The following ZFYVE1 variants were observed in gnomAD, a reference collection of about 807,000 sequenced individuals.
The protein encoded by ZFYVE1 is zinc finger FYVE domain-containing protein 1.
A neutral mutation model predicts 74.4 loss-of-function variants in ZFYVE1; 30 were observed. The ratio of observed to expected loss-of-function variants is 0.40; its 90% CI spans 0.30 to 0.55. The LOEUF (loss-of-function observed/expected upper bound fraction) is 0.55. Among genes scored for constraint, ZFYVE1 ranks in the 20% least tolerant of loss-of-function variants. ZFYVE1 has a pLI of 0.42. For synonymous variants in ZFYVE1, 335 were observed against 385.1 expected (o/e 0.87, Z 1.52); for missense variants, 703 against 1,011.6 (o/e 0.69, Z 4.14).
Position 72,974,783 on chromosome 14 carries a change from C to T in ZFYVE1, c.1983G>A (p.Gln661=), listed in dbSNP as rs766158995. 2.2e-5 allele frequency: 35 copies of T among 1,596,658 alleles called. No homozygotes were observed. The highest frequency in any genetic ancestry group is 2.7e-5 in the Non-Finnish European group (32 of 1,166,720). Residue 661 remains glutamine (Q), a synonymous_variant, in exon 10 of 12, where the codon CAG becomes CAA. Transcript: ENST00000556143. ...AGCTCCCAGGTCCCACGTTACCTAA[C>T]TGGACGTTCCTGGCTTCGTAGCAGT... ...CDNCYEARNV[Q]LAVTEAQVDD... is the part of the protein sequence containing the mutation.
chr14:73,008,475 T>C (rs1894025416), intron 2 of ZFYVE1, among the ~76,000 whole-genome samples: 1 of 152,212 alleles, frequency 6.6e-6, no homozygotes, highest in Non-Finnish European at 1.5e-5. Flanking sequence ...AGTGTTTCTA[T>C]GCAGAGATGG....
intron 2 of ZFYVE1, among the ~76,000 whole-genome samples, chr14:73,015,136 CAGG>C (rs1008145403): frequency 2.5e-4 from 37 of 149,422 alleles, no homozygotes; most frequent in African/African-American, 9.1e-4. Context: ...GAGGCTGAGG[CAGG>C]AGAATTGCAC....
intron 2 of ZFYVE1, among the ~76,000 whole-genome samples, chr14:73,015,206 G>A (rs1223500198): frequency 7.1e-6 from 1 of 141,834 alleles, no homozygotes; most frequent in East Asian, 2.2e-4. Context: ...ACTCCAGCTG[G>A]GTGACAGAGT....
intron 2 of ZFYVE1, among the ~76,000 whole-genome samples, chr14:73,002,891 G>A (rs1299069721): frequency 2.0e-5 from 3 of 150,608 alleles, no homozygotes; most frequent in South Asian, 4.2e-4. Flanking sequence ...ACAGGCGCCC[G>A]CCACCACGCC....
rs1303465431 is a variant in ZFYVE1 at position 72,991,598 on chromosome 14, T to C, written c.1203+1545A>G. ...CCTTATAATGCACAGTGATCAGATTTACAGCCCCTTTGCCTGATTCAGCGT... is the reference window on the plus strand; with the variant it reads ...CCTTATAATGCACAGTGATCAGATTCACAGCCCCTTTGCCTGATTCAGCGT... On this transcript the variant is annotated intron_variant, in intron 4 of 11. Transcript: ENST00000556143. 2.3e-5 allele frequency among the ~76,000 whole-genome samples: 3 copies of C among 128,346 alleles called. No homozygotes were observed. In the South Asian group the frequency reaches 8.6e-4, roughly 37 times the overall value. 84.2% of individuals were successfully genotyped at this position (128,346 alleles called of 152,430 possible).
intron 4 of ZFYVE1, among the ~76,000 whole-genome samples, chr14:72,982,161 C>G (rs1395975940): frequency 6.6e-6 from 1 of 152,220 alleles, no homozygotes; most frequent in Non-Finnish European, 1.5e-5. Flanking sequence ...CCTCACACCA[C>G]TCAGTCTTTT....
intron 2 of ZFYVE1, among the ~76,000 whole-genome samples, chr14:73,004,094 C>T (rs1248609765): frequency 6.6e-6 from 1 of 152,194 alleles, no homozygotes; most frequent in Non-Finnish European, 1.5e-5. Context: ...CGGAGAGAAA[C>T]AAGAAGTTAC....
At chr14:72,984,418 A>T (rs1671864970) in intron 4 of ZFYVE1, among the ~76,000 whole-genome samples, 1 of 151,926 alleles carries the variant, frequency 6.6e-6, no homozygotes. Context: ...AATCCCAGCT[A>T]CTCAGGAGAC....
intron 2 of ZFYVE1, among the ~76,000 whole-genome samples, chr14:73,016,031 C>G (rs2140385619): frequency 1.3e-5 from 2 of 152,312 alleles, no homozygotes; most frequent in South Asian, 4.1e-4. Context: ...TCTAATACAA[C>G]AAGATGTCTG....
Position 73,024,789 on chromosome 14 carries a change from G to A in ZFYVE1, c.-281C>T, listed in dbSNP as rs916411093. ...GCAAAGATGTGGTCAAAATTGACTT[G>A]GAAGGGTCTTTTATGGCTATCTGAG... On this transcript the variant is annotated 5_prime_UTR_variant, in exon 2 of 12. Coordinates refer to ENST00000556143, the MANE Select transcript of ZFYVE1 (RefSeq NM_021260.4). The A allele has an allele frequency of 1.9e-5, 7 of 360,146 alleles. No homozygotes were observed. The highest frequency in any genetic ancestry group is 1.5e-4 in the African/African-American group (7 of 47,776). 22.3% of individuals were successfully genotyped at this position (360,146 alleles called of 1,614,324 possible).
rs1006810021 is a variant in ZFYVE1 at position 72,969,942 on chromosome 14, T to C, written c.*940A>G. 6 of 588,268 alleles carry C rather than the reference T, an allele frequency of 1.0e-5. No homozygotes were observed. Among genetic ancestry groups the C allele is most frequent in the Non-Finnish European group, 1.8e-5 (6 of 333,816 alleles). 36.4% of individuals were successfully genotyped at this position (588,268 alleles called of 1,614,324 possible). A position where few individuals can be genotyped will look rare whatever the true frequency, so the allele number is the denominator to read the frequency against. On this transcript the variant is annotated 3_prime_UTR_variant, in exon 12 of 12. Coordinates refer to ENST00000556143, the MANE Select transcript of ZFYVE1 (RefSeq NM_021260.4). Reference sequence around the variant, plus strand: ...CCGAGAGCTAGAGGGGTTGTGTGTCTGGGAACAAAGGATTAAGACACTTTA... The same window carrying C: ...CCGAGAGCTAGAGGGGTTGTGTGTCCGGGAACAAAGGATTAAGACACTTTA...
intron 3 of ZFYVE1, among the ~76,000 whole-genome samples, chr14:72,995,246 C>G (rs181406505): frequency 6.6e-6 from 1 of 152,126 alleles, no homozygotes; most frequent in East Asian, 1.9e-4. Flanking sequence ...AGGTGCCCAC[C>G]ACCATACACT....
At chr14:72,994,587 T>G (rs960349601) in intron 3 of ZFYVE1, among the ~76,000 whole-genome samples, 9 of 151,974 alleles carry the variant, frequency 5.9e-5, no homozygotes, top group African/African-American at 2.2e-4. Flanking sequence ...CAAGGAGGAG[T>G]CTTTTTTCCC....
intron 4 of ZFYVE1, among the ~76,000 whole-genome samples, chr14:72,991,316 A>G (rs886462952): frequency 1.3e-5 from 2 of 151,690 alleles, no homozygotes; most frequent in Admixed American, 6.6e-5. Context: ...CAGCCTCCCA[A>G]GTAGCTGGGA....
chr14:72,980,568 T>C (rs1437240236), intron 5 of ZFYVE1, among the ~76,000 whole-genome samples: 7 of 148,412 alleles, frequency 4.7e-5, no homozygotes, highest in African/African-American at 1.7e-4. Flanking sequence ...TTTATTTATT[T>C]ATTTATTTAT....
chr14:73,005,729 G>T (rs147525366), intron 2 of ZFYVE1, among the ~76,000 whole-genome samples: 1 of 152,158 alleles, frequency 6.6e-6, no homozygotes, highest in African/African-American at 2.4e-5. Context: ...GTAAGCACTC[G>T]ATACGTGAAC....
At chr14:72,994,550 G>A (rs1008117641) in intron 3 of ZFYVE1, among the ~76,000 whole-genome samples, 6 of 151,930 alleles carry the variant, frequency 3.9e-5, no homozygotes, top group Non-Finnish European at 8.8e-5. Flanking sequence ...GATATGATAC[G>A]CACTGTTCTG....
chr14:72,991,315 A>C (rs555344638), intron 4 of ZFYVE1, among the ~76,000 whole-genome samples: 2 of 149,830 alleles, frequency 1.3e-5, no homozygotes, highest in Admixed American at 6.7e-5. Context: ...TCAGCCTCCC[A>C]AGTAGCTGGG....
chr14:73,025,343 A>G (rs1237665844), intron 1 of ZFYVE1, among the ~76,000 whole-genome samples: 6 of 151,786 alleles, frequency 4.0e-5, no homozygotes, highest in African/African-American at 1.5e-4. Flanking sequence ...TGCTGGGATT[A>G]CAGGCGTGAG....
Sources: allele counts gnomAD v4.1 joint callset (sites outside exome capture counted in the v4.1 genomes callset), GRCh38; gene constraint gnomAD v4.1.1; transcripts MANE v1.5; gene names NCBI Gene and HGNC (gene_info 2026-07-23, HGNC 2026-07-21).